Variants in ADGRB2 observed in about 807,000 individuals in gnomAD.
ADGRB2 encodes the protein brain-specific angiogenesis inhibitor 2.
ADGRB2 carries 47 observed loss-of-function variants against 178.7 expected under a neutral mutation model. The ratio of observed to expected loss-of-function variants is 0.26; its 90% CI spans 0.21 to 0.34. ADGRB2 has a LOEUF of 0.34. ADGRB2 is among the 10% of genes least tolerant of loss of function. ADGRB2 has a pLI of 1.00. For missense variants in ADGRB2, 1,584 were observed against 2,180.8 expected, an observed-to-expected ratio of 0.73 and a Z score of 5.45; for synonymous variants, 870 against 912.4, an observed-to-expected ratio of 0.95 and a Z score of 0.84.
Position 31,740,893 on chromosome 1 carries a change from G to GCACA in ADGRB2, c.1795-353_1795-352insTGTG, listed in dbSNP as rs1447252239. Reference sequence around the variant, plus strand: ...GTAATGAGCATGTGTGTGGGCGCGCGCGCACACACACACACACACACACAC... The same window carrying GCACA: ...GTAATGAGCATGTGTGTGGGCGCGCGCACACGCACACACACACACACACACACAC... On this transcript the variant is annotated intron_variant, in intron 11 of 32. Transcript: ENST00000373658. The surrounding 1 kb of genome is among the most constrained non-coding windows in gnomAD (Gnocchi z 5.9). Among the ~76,000 whole-genome samples the GCACA allele has an allele frequency of 1.5e-4, 5 of 33,706 alleles. No individual in the cohort carries two copies. The highest frequency in any genetic ancestry group is 3.8e-4 in the African/African-American group (5 of 13,018). 22.1% of individuals were successfully genotyped at this position (33,706 alleles called of 152,430 possible).
In ADGRB2 at chr1:31,744,772, G is replaced by T. The variant is rs750390349; in HGVS notation, c.839-41C>A. 2.5e-6 allele frequency: 4 copies of T among 1,601,694 alleles called. No individual in the cohort carries two copies. The highest frequency in any genetic ancestry group is 3.4e-6 in the Non-Finnish European group (4 of 1,168,968). On this transcript the variant is annotated intron_variant, in intron 4 of 32. Coordinates refer to ENST00000373658, the MANE Select transcript of ADGRB2 (RefSeq NM_001364857.2). The surrounding 1 kb of genome is among the most constrained non-coding windows in gnomAD (Gnocchi z 6.7). Reference sequence around the variant, plus strand: ...GGTGGCAGGGGCTCAGCAAAGGCCAGCTAGGTTCTGTTACAGTGGCACAGT... The same window carrying T: ...GGTGGCAGGGGCTCAGCAAAGGCCATCTAGGTTCTGTTACAGTGGCACAGT...
Position 31,735,687 on chromosome 1 carries a change from GT to G in ADGRB2, c.3268-23del, listed in dbSNP as rs1448339035. Reference sequence around the variant, plus strand: ...TCACCTGGGGGCCCAGTAGAGTGGAGTGGGGGAGACAGGATCACCAGGTGCC... The same window carrying G: ...TCACCTGGGGGCCCAGTAGAGTGGAGGGGGGAGACAGGATCACCAGGTGCC... On this transcript the variant is annotated intron_variant, in intron 23 of 32. Coordinates refer to ENST00000373658, the MANE Select transcript of ADGRB2 (RefSeq NM_001364857.2). This position sits in a 1 kb window ranked among gnomAD's most constrained non-coding sequence, Gnocchi z 6.0. The G allele has an allele frequency of 6.3e-7, 1 of 1,582,646 alleles. No individual in the cohort carries two copies. Among genetic ancestry groups the G allele is most frequent in the African/African-American group, 1.3e-5 (1 of 74,440 alleles).
intron 2 of ADGRB2, 42 bp downstream of exon 2, chr1:31,757,340 G>T: frequency 7.9e-7 from 1 of 1,261,482 alleles, no homozygotes; most frequent in Non-Finnish European, 1.2e-6. Context: ...ATAAATTAGA[G>T]CAATTTGAGG....
rs1177552167 is a variant in ADGRB2, at chr1:31,764,107, T to TGCCGCCGCC, written c.-423_-415dup. ...CGGCGCCGGGCCGGGCGCGGGCTCC[T>TGCCGCCGCC]GCCGCCGCCGCCGCCGCCGCCTCCT... On this transcript the variant is annotated 5_prime_UTR_variant, in exon 1 of 33. Transcript: ENST00000373658. This position sits in a 1 kb window ranked among gnomAD's most constrained non-coding sequence, Gnocchi z 7.3. The TGCCGCCGCC allele has an allele frequency of 7.5e-6, 7 of 934,116 alleles. No individual in the cohort carries two copies. In the African/African-American group the frequency reaches 9.2e-5, roughly 12 times the overall value. 57.9% of individuals were successfully genotyped at this position (934,116 alleles called of 1,614,324 possible). A position where few individuals can be genotyped will look rare whatever the true frequency, so the allele number is the denominator to read the frequency against.
At chr1:31,736,280 A>G (rs1418286835) in intron 22 of ADGRB2, 41 bp downstream of exon 22, 1 of 1,606,398 alleles carries the variant, frequency 6.2e-7, no homozygotes, top group South Asian at 1.1e-5. Flanking sequence ...TCCCTAACAG[A>G]TCCACTACCC....
chr1:31,728,153 G>A lies in ADGRB2; in HGVS notation c.4515+29C>T. On this transcript the variant is annotated intron_variant, in intron 31 of 32. Coordinates refer to ENST00000373658, the MANE Select transcript of ADGRB2 (RefSeq NM_001364857.2). The surrounding 1 kb of genome is among the most constrained non-coding windows in gnomAD (Gnocchi z 6.7). ...ACCAGGTCAGGCCCTGAGCTTCAGG[G>A]CAGGGGCAGCCACGGGAGGAGCCCT... is the stretch of plus-strand genomic sequence containing the variant. The A allele has an allele frequency of 6.2e-7, 1 of 1,613,956 alleles. No homozygotes were observed. Among genetic ancestry groups the A allele is most frequent in the Non-Finnish European group, 8.5e-7 (1 of 1,179,956 alleles).
intron 29 of ADGRB2, among the ~76,000 whole-genome samples, chr1:31,730,093 T>A (rs1645200803): frequency 6.6e-6 from 1 of 152,198 alleles, no homozygotes; most frequent in Non-Finnish European, 1.5e-5. Context: ...TGCAGAATGT[T>A]CTAGAGTTCC....
At chr1:31,748,691 C>CA (rs1646403385) in intron 4 of ADGRB2, among the ~76,000 whole-genome samples, 1 of 152,282 alleles carries the variant, frequency 6.6e-6, no homozygotes, top group South Asian at 2.1e-4. Flanking sequence ...TGCAGTCCTG[C>CA]AATCTATCAG....
At chr1:31,752,798 G>A (rs1248625137) in intron 4 of ADGRB2, among the ~76,000 whole-genome samples, 7 of 152,164 alleles carry the variant, frequency 4.6e-5, no homozygotes. Context: ...TGGGGGTTCT[G>A]AGGCCCCAAG....
intron 29 of ADGRB2, 97 bp downstream of exon 29, chr1:31,730,703 A>T: frequency 7.3e-7 from 1 of 1,375,864 alleles, no homozygotes. Context: ...GACTTTTACG[A>T]GAGGCCGCTC....
At position 31,732,954 on chromosome 1, in the gene ADGRB2, G is replaced by T; in HGVS notation, c.3624+18C>A. On this transcript the variant is annotated intron_variant, in intron 26 of 32. Coordinates refer to ENST00000373658, the MANE Select transcript of ADGRB2 (RefSeq NM_001364857.2). ...CAGGTGTGGTGGGCACACACAGGCG[G>T]GAGAGGCCCAGCCCCACCTCTCGGC... is the stretch of plus-strand genomic sequence containing the variant. 1 of 1,549,316 alleles carries T rather than the reference G, an allele frequency of 6.5e-7. No individual in the cohort carries two copies. Among genetic ancestry groups the T allele is most frequent in the Non-Finnish European group, 8.7e-7 (1 of 1,146,562 alleles).
chr1:31,743,129 G>T, intron 6 of ADGRB2, 127 bp from the exon 7 acceptor site: 2 of 1,140,070 alleles, frequency 1.8e-6, no homozygotes, highest in Non-Finnish European at 2.3e-6. Flanking sequence ...CTCTGCCCCG[G>T]GATCTGTTGC....
At chr1:31,739,669 G>A in intron 14 of ADGRB2, 34 bp from the exon 15 acceptor site, 1 of 1,545,238 alleles carries the variant, frequency 6.5e-7, no homozygotes, top group Non-Finnish European at 8.7e-7. Flanking sequence ...GAGACAGACA[G>A]AGGGGCAGAA....
chr1:31,728,742 T>TC lies in ADGRB2; in HGVS notation c.4381-110dup. ...TCCCAGGGGTCTGCCCGCTGCACCT[T>TC]CCCCCCAACCCAGGCCCAGAAGTTG... On this transcript the variant is annotated intron_variant, in intron 29 of 32. Coordinates refer to ENST00000373658, the MANE Select transcript of ADGRB2 (RefSeq NM_001364857.2). The surrounding 1 kb of genome is among the most constrained non-coding windows in gnomAD (Gnocchi z 6.7). 1 of 1,345,094 alleles carries TC rather than the reference T, an allele frequency of 7.4e-7. No homozygotes were observed. The highest frequency in any genetic ancestry group is 1.0e-6 in the Non-Finnish European group (1 of 957,216). The allele number at this position is 1,345,094 out of a possible 1,614,324, so 83.3% of individuals were successfully genotyped here.
chr1:31,749,024 C>A (rs185841703), intron 4 of ADGRB2, among the ~76,000 whole-genome samples: 2 of 152,328 alleles, frequency 1.3e-5, no homozygotes, highest in African/African-American at 4.8e-5. Context: ...TGACAAAATG[C>A]CACTCAACTT....
rs1295124888 is a variant in ADGRB2 at position 31,741,647 on chromosome 1, T to C, written c.1664A>G (p.Asn555Ser). The C allele has an allele frequency of 6.2e-7, 1 of 1,613,842 alleles. No homozygotes were observed. Among genetic ancestry groups the C allele is most frequent in the African/African-American group, 1.3e-5 (1 of 74,890 alleles). ...KKAAAGEIIY[N>S]KCPPNASGSA... ...ACCTGAGGCATTCGGGGGGCACTTG[T>C]TGTAGATGATCTCGCCAGCAGCTGC... is the stretch of plus-strand genomic sequence containing the variant. The change falls in exon 10 of 33, where the codon AAC (asparagine) becomes AGC (serine). Residue 555 changes from asparagine (N) to serine (S), a missense_variant. Coordinates refer to ENST00000373658, the MANE Select transcript of ADGRB2 (RefSeq NM_001364857.2). The surrounding 1 kb of genome is among the most constrained non-coding windows in gnomAD (Gnocchi z 6.5).
chr1:31,741,699 A>G lies in ADGRB2; in HGVS notation c.1612T>C (p.Tyr538His), dbSNP rs756260787. 2 of 1,613,930 alleles carry G rather than the reference A, an allele frequency of 1.2e-6. No individual in the cohort carries two copies. Among genetic ancestry groups the G allele is most frequent in the Non-Finnish European group, 1.7e-6 (2 of 1,179,938 alleles). ...PAFHEMCRDE[Y>H]VMLMTWKKAA... ...TTCTTCCACGTCATCAGCATCACGT[A>G]CTCATCCCTGCACATCTCATGGAAG... The change falls in exon 10 of 33, where the codon TAC (tyrosine) becomes CAC (histidine). Residue 538 changes from tyrosine to histidine, a missense_variant. By Grantham distance (83) the Tyr-to-His change is moderately conservative. Coordinates refer to ENST00000373658, the MANE Select transcript of ADGRB2 (RefSeq NM_001364857.2). This position sits in a 1 kb window ranked among gnomAD's most constrained non-coding sequence, Gnocchi z 6.5.
At position 31,763,286 on chromosome 1, in the gene ADGRB2, G is replaced by A. The variant is rs1439804565; in HGVS notation, c.-191+598C>T. Among the ~76,000 whole-genome samples, 70 of 150,986 alleles carry A rather than the reference G, an allele frequency of 4.6e-4. 1 individual carries two copies. Among genetic ancestry groups the A allele is most frequent in the Non-Finnish European group, 1.8e-4 (12 of 67,720 alleles). On this transcript the variant is annotated intron_variant, in intron 1 of 32. Coordinates refer to ENST00000373658, the MANE Select transcript of ADGRB2 (RefSeq NM_001364857.2). ...ATTGGCGAGGGAAGGCGGGACTCCG[G>A]TCAGATAGATATGGGGGAGGGGGCG...
At chr1:31,734,333 C>A (rs1489191096) in intron 25 of ADGRB2, among the ~76,000 whole-genome samples, 2 of 152,170 alleles carry the variant, frequency 1.3e-5, no homozygotes, top group African/African-American at 4.8e-5. Context: ...CTGGAGTGAG[C>A]CCAGCTGGGC....
Sources: gnomAD v4.1 joint callset for allele counts (sites outside exome capture counted in the v4.1 genomes callset) on GRCh38, gnomAD v4.1.1 for gene constraint, Gnocchi (gnomAD v3.1) non-coding constraint, MANE v1.5 for transcripts, NCBI Gene and HGNC (gene_info 2026-07-23, HGNC 2026-07-21) for gene names.